The following TFDP2 variants were observed in gnomAD, a reference collection of about 807,000 sequenced individuals.
The protein encoded by TFDP2 is transcription factor Dp-2, also known as transcription factor Dp-2 (E2F dimerization partner 2).
Under a neutral mutation model 59.3 loss-of-function variants are expected in TFDP2, and 17 were observed. The observed-to-expected ratio is 0.29, with a 90% CI of 0.20 to 0.43. The LOEUF is 0.43. Ranked by LOEUF, TFDP2 falls within the 20% of genes least tolerant of loss-of-function variation. The pLI, the probability that TFDP2 is intolerant of heterozygous loss-of-function variation, is 1.00. For synonymous variants in TFDP2, 180 were observed against 194.7 expected (o/e 0.92, Z 0.63); for missense variants, 391 against 528.8 (o/e 0.74, Z 2.56).
At chr3:142,107,522 G>A (rs987083062) in intron 1 of TFDP2, among the ~76,000 whole-genome samples, 2 of 152,162 alleles carry the variant, frequency 1.3e-5, no homozygotes, top group South Asian at 2.1e-4. Context: ...GTGAGCCACC[G>A]CACCCGGCCC....
At chr3:142,058,591 C>T (rs975778317) in intron 3 of TFDP2, among the ~76,000 whole-genome samples, 16 of 152,148 alleles carry the variant, frequency 1.1e-4, no homozygotes, top group Non-Finnish European at 2.1e-4. Flanking sequence ...TGACACAGAA[C>T]TCAGTATAGC....
intron 2 of TFDP2, among the ~76,000 whole-genome samples, chr3:142,093,393 GTGAGC>G (rs2061060056): frequency 6.6e-6 from 1 of 151,920 alleles, no homozygotes; most frequent in Non-Finnish European, 1.5e-5. Flanking sequence ...AGGTGTTGCA[GTGAGC>G]TGAGATCATG....
intron 3 of TFDP2, among the ~76,000 whole-genome samples, chr3:142,023,122 C>CAAAAAAAAAAAAA (rs765096570): frequency 5.0e-5 from 3 of 59,590 alleles, no homozygotes; most frequent in Non-Finnish European, 8.2e-5. Flanking sequence ...CCCTCCGTCT[C>CAAAAAAAAAAAAA]AAAAAAAAAA....
At chr3:142,076,896 C>T (rs749403639) in intron 3 of TFDP2, among the ~76,000 whole-genome samples, 5 of 152,130 alleles carry the variant, frequency 3.3e-5, no homozygotes, top group Admixed American at 6.5e-5. Context: ...ACATCAGGAG[C>T]GATCATAATA....
At chr3:141,988,108 G>T (rs755988124) in intron 6 of TFDP2, among the ~76,000 whole-genome samples, 1 of 151,832 alleles carries the variant, frequency 6.6e-6, no homozygotes, top group Admixed American at 6.6e-5. Flanking sequence ...ACCATGCCTG[G>T]CTAAGTTTTG....
intron 3 of TFDP2, among the ~76,000 whole-genome samples, chr3:142,033,903 A>G (rs1008702799): frequency 6.6e-5 from 10 of 152,052 alleles, no homozygotes; most frequent in Non-Finnish European, 1.2e-4. Context: ...TTAGCTTTCA[A>G]ACTTACTTCC....
intron 11 of TFDP2, 39 bp downstream of exon 11, chr3:141,959,635 T>G (rs751800558): frequency 6.3e-7 from 1 of 1,582,438 alleles, no homozygotes; most frequent in Admixed American, 1.8e-5. Flanking sequence ...GATTCAACAT[T>G]TAATCAGGGA....
At chr3:142,056,085 C>T (rs1179788438) in intron 3 of TFDP2, among the ~76,000 whole-genome samples, 1 of 149,940 alleles carries the variant, frequency 6.7e-6, no homozygotes, top group African/African-American at 2.5e-5. Flanking sequence ...TTCTGAGTAG[C>T]TGGGATTACA....
chr3:142,012,548 T>TGG (rs1944805588), intron 3 of TFDP2, among the ~76,000 whole-genome samples: 1 of 152,202 alleles, frequency 6.6e-6, no homozygotes. Context: ...ATTTAAGTGT[T>TGG]TAAACATCTT....
At chr3:142,042,399 C>T (rs557718215) in intron 3 of TFDP2, among the ~76,000 whole-genome samples, 2 of 151,914 alleles carry the variant, frequency 1.3e-5, no homozygotes, top group East Asian at 3.9e-4. Flanking sequence ...TCAAGTGATT[C>T]TCCTGCCTCA....
chr3:142,077,256 A>G (rs2060489220), intron 3 of TFDP2, among the ~76,000 whole-genome samples: 1 of 152,166 alleles, frequency 6.6e-6, no homozygotes, highest in Non-Finnish European at 1.5e-5. Flanking sequence ...GTCTAGGCCA[A>G]AAAGACTACA....
intron 3 of TFDP2, among the ~76,000 whole-genome samples, chr3:142,049,305 A>G (rs78870586): frequency 0.057 from 8,642 of 152,330 alleles, 303 homozygotes; most frequent in Middle Eastern, 0.11. Flanking sequence ...CAGAAGGTTG[A>G]TTTAACATTG....
intron 9 of TFDP2, among the ~76,000 whole-genome samples, chr3:141,967,703 T>C (rs76758219): frequency 0.075 from 11,346 of 152,274 alleles, 529 homozygotes; most frequent in Non-Finnish European, 0.11. Context: ...TTGACAGCCA[T>C]GTTGCCCCTG....
At chr3:142,015,693 C>A (rs1317783396) in intron 3 of TFDP2, among the ~76,000 whole-genome samples, 4 of 152,214 alleles carry the variant, frequency 2.6e-5, no homozygotes, top group African/African-American at 9.6e-5. Context: ...ACTCTATTTC[C>A]ATGCTCTCTA....
chr3:141,978,697 A>G lies in TFDP2; in HGVS notation c.357-15T>C. On this transcript the variant is annotated splice_polypyrimidine_tract_variant and intron_variant, in intron 6 of 12. Transcript: ENST00000489671. ...TGCTTCGTTTACTAGAAGGGAAAAA[A>G]GTTTTTTTTACTCCATTATACATAT... The G allele has an allele frequency of 6.3e-7, 1 of 1,584,416 alleles. No homozygotes were observed. Among genetic ancestry groups the G allele is most frequent in the Non-Finnish European group, 8.6e-7 (1 of 1,168,666 alleles).
chr3:142,122,951 C>A (rs1021044379), intron 1 of TFDP2, among the ~76,000 whole-genome samples: 1 of 151,684 alleles, frequency 6.6e-6, no homozygotes, highest in Admixed American at 6.6e-5. Flanking sequence ...AGTATGATTA[C>A]GTTTATATAA....
intron 1 of TFDP2, among the ~76,000 whole-genome samples, chr3:142,146,706 C>T (rs2063191912): frequency 6.6e-6 from 1 of 152,080 alleles, no homozygotes; most frequent in African/African-American, 2.4e-5. Context: ...CCATGCTTGT[C>T]AGAAGAATGT....
rs111727515 is a variant in TFDP2 at position 142,143,962 on chromosome 3, T to C, written c.-93+5221A>G. ...GAGATATCTGCATTCCTATGTTTGTTGCAGCACTGTTTACAATAGCTAAGA... is the reference window on the plus strand; with the variant it reads ...GAGATATCTGCATTCCTATGTTTGTCGCAGCACTGTTTACAATAGCTAAGA... On this transcript the variant is annotated intron_variant, in intron 1 of 12. Coordinates refer to ENST00000489671, the MANE Select transcript of TFDP2 (RefSeq NM_001178139.2). Among the ~76,000 whole-genome samples, 738 of 152,326 alleles carry C rather than the reference T, an allele frequency of 4.8e-3. 7 individuals carry two copies. The highest frequency in any genetic ancestry group is 0.017 in the African/African-American group (703 of 41,568).
rs549012893 is a variant in TFDP2, at chr3:142,120,379, A to G, written c.-92-18538T>C. Among the ~76,000 whole-genome samples the G allele has an allele frequency of 8.5e-5, 13 of 152,298 alleles. No individual in the cohort carries two copies. The East Asian group carries it at 1.7e-3, about 20-fold the overall frequency. ...TACGTCTCAAAAAAAAGAAAAAAAG[A>G]AAGAAAACATATCAATGATATAGTG... is the stretch of plus-strand genomic sequence containing the variant. On this transcript the variant is annotated intron_variant, in intron 1 of 12. Coordinates refer to ENST00000489671, the MANE Select transcript of TFDP2 (RefSeq NM_001178139.2).
Sources: gnomAD v4.1 joint callset for allele counts (sites outside exome capture counted in the v4.1 genomes callset) on GRCh38, gnomAD v4.1.1 for gene constraint, MANE v1.5 for transcripts, NCBI Gene and HGNC (gene_info 2026-07-23, HGNC 2026-07-21) for gene names.